Variants in RHOD observed in about 807,000 individuals in gnomAD.
RHOD encodes the protein rho-related GTP-binding protein RhoD.
RHOD carries 11 observed loss-of-function variants against 16.7 expected under a neutral mutation model. The ratio of observed to expected loss-of-function variants is 0.66; its 90% CI spans 0.41 to 1.09. RHOD has a LOEUF of 1.09. Among genes scored for constraint, RHOD ranks in the 50% least tolerant of loss-of-function variants. The pLI is 0.00. For synonymous variants in RHOD, 124 were observed against 126.3 expected, an observed-to-expected ratio of 0.98 and a Z score of 0.12; for missense variants, 271 against 291.7, an observed-to-expected ratio of 0.93 and a Z score of 0.52.
intron 1 of RHOD, among the ~76,000 whole-genome samples, chr11:67,064,188 C>T (rs1186605095): frequency 1.1e-4 from 17 of 148,634 alleles, no homozygotes; most frequent in Non-Finnish European, 2.2e-4. Flanking sequence ...GGGTGGATCA[C>T]GAGGTCAGGA....
chr11:67,070,650 C>T, intron 4 of RHOD, 91 bp downstream of exon 4: 1 of 1,517,088 alleles, frequency 6.6e-7, no homozygotes, highest in Non-Finnish European at 9.1e-7. Context: ...CCAGAACGCT[C>T]AGGGTGTAGG....
chr11:67,058,911 C>CAA (rs997126017), intron 1 of RHOD, among the ~76,000 whole-genome samples: 1 of 152,102 alleles, frequency 6.6e-6, no homozygotes, highest in African/African-American at 2.4e-5. Flanking sequence ...CATGGGAACC[C>CAA]AACAATGAGG....
rs1854819467 is a variant in RHOD, at chr11:67,056,950, G to T, written c.48G>T (p.Arg16=). The part of the protein sequence containing the change: ...AAGEEAPPGV[R]SVKVVLVGDG... ...GTGAGGAGGCGCCACCAGGCGTGCG[G>T]TCCGTCAAGGTGGTCCTGGTGGGCG... Residue 16 remains arginine, a synonymous_variant, in exon 1 of 5, where the codon CGG becomes CGT. Coordinates refer to ENST00000308831, the MANE Select transcript of RHOD (RefSeq NM_014578.4). 2 of 1,491,962 alleles carry T rather than the reference G, an allele frequency of 1.3e-6. No individual in the cohort carries two copies. Among genetic ancestry groups the T allele is most frequent in the East Asian group, 2.9e-5 (1 of 34,444 alleles). The allele number at this position is 1,491,962 out of a possible 1,614,324, so 92.4% of individuals were successfully genotyped here. A position where few individuals can be genotyped will look rare whatever the true frequency, so the allele number is the denominator to read the frequency against.
intron 1 of RHOD, among the ~76,000 whole-genome samples, chr11:67,059,838 C>A (rs1054097237): frequency 6.6e-6 from 1 of 152,204 alleles, no homozygotes; most frequent in Non-Finnish European, 1.5e-5. Flanking sequence ...CCTCGAAGCC[C>A]AAGGGGCCAG....
intron 3 of RHOD, among the ~76,000 whole-genome samples, chr11:67,067,059 C>T (rs1369520123): frequency 6.6e-6 from 1 of 152,212 alleles, no homozygotes; most frequent in Non-Finnish European, 1.5e-5. Flanking sequence ...CAGCGTCTGC[C>T]CTTCTGACTC....
chr11:67,069,755 C>G (rs1332404394), intron 3 of RHOD, among the ~76,000 whole-genome samples: 1 of 151,996 alleles, frequency 6.6e-6, no homozygotes, highest in Admixed American at 6.6e-5. Flanking sequence ...TGCAGTGGCG[C>G]GATCTCAGCT....
At chr11:67,069,788 G>C (rs1855003541) in intron 3 of RHOD, among the ~76,000 whole-genome samples, 1 of 152,000 alleles carries the variant, frequency 6.6e-6, no homozygotes, top group Admixed American at 6.6e-5. Flanking sequence ...CGCCTCCCAG[G>C]TTCATGCCAT....
chr11:67,056,864 C>T lies in RHOD; in HGVS notation c.-39C>T, dbSNP rs1854817456. 7.4e-7 allele frequency: 1 copy of T among 1,356,456 alleles called. No homozygotes were observed. The highest frequency in any genetic ancestry group is 1.8e-5 in the South Asian group (1 of 54,844). The allele number at this position is 1,356,456 out of a possible 1,614,324, so 84.0% of individuals were successfully genotyped here. On this transcript the variant is annotated 5_prime_UTR_variant, in exon 1 of 5. Transcript: ENST00000308831. ...CCCCGCGCAGTCTGGGTCTCTGCGC[C>T]GCAGCCGCCCGCCCGCCCGCTCAGC...
At chr11:67,066,171 G>C (rs1854957465) in intron 2 of RHOD, among the ~76,000 whole-genome samples, 188 bp downstream of exon 2, 1 of 152,166 alleles carries the variant, frequency 6.6e-6, no homozygotes, top group South Asian at 2.1e-4. Context: ...TGCACCCCCA[G>C]CACCCCAGGG....
rs1442443280 is a variant in RHOD, at chr11:67,070,465, T to C, written c.371T>C (p.Ile124Thr). The C allele has an allele frequency of 3.1e-6, 5 of 1,613,596 alleles. No individual in the cohort carries two copies. The highest frequency in any genetic ancestry group is 4.2e-6 in the Non-Finnish European group (5 of 1,179,918). The change falls in exon 4 of 5, where the codon ATC becomes ACC. Residue 124 changes from isoleucine (I) to threonine (T), a missense_variant. Coordinates refer to ENST00000308831, the MANE Select transcript of RHOD (RefSeq NM_014578.4). Reference protein sequence around the residue: ...EVNHFCKKVPIIVVGCKTDLR... With the variant: ...EVNHFCKKVPTIVVGCKTDLR... Reference sequence around the variant, plus strand: ...AATCATTTCTGCAAGAAGGTACCCATCATCGTCGTGGGCTGCAAGACTGAC... The same window carrying C: ...AATCATTTCTGCAAGAAGGTACCCACCATCGTCGTGGGCTGCAAGACTGAC...
rs762834984 is a variant in RHOD, at chr11:67,070,470, G to A, written c.376G>A (p.Val126Ile). Residue 126 changes from valine to isoleucine, a missense_variant, in exon 4 of 5, where the codon GTC (valine) becomes ATC (isoleucine). Val to Ile is a conservative substitution (Grantham distance 29). Coordinates refer to ENST00000308831, the MANE Select transcript of RHOD (RefSeq NM_014578.4). ...TTTCTGCAAGAAGGTACCCATCATC[G>A]TCGTGGGCTGCAAGACTGACCTGCG... Reference protein sequence around the residue: ...NHFCKKVPIIVVGCKTDLRKD... With the variant: ...NHFCKKVPIIIVGCKTDLRKD... 31 of 1,613,792 alleles carry A rather than the reference G, an allele frequency of 1.9e-5. No individual in the cohort carries two copies. Among genetic ancestry groups the A allele is most frequent in the Non-Finnish European group, 2.5e-5 (30 of 1,180,002 alleles).
intron 1 of RHOD, among the ~76,000 whole-genome samples, chr11:67,064,576 C>T (rs570766275): frequency 1.6e-4 from 24 of 152,258 alleles, no homozygotes; most frequent in Non-Finnish European, 3.4e-4. Flanking sequence ...CAAAAAGCTG[C>T]GAGTTCCCCA....
chr11:67,059,867 C>G (rs1854865687), intron 1 of RHOD, among the ~76,000 whole-genome samples: 1 of 152,266 alleles, frequency 6.6e-6, no homozygotes, highest in Non-Finnish European at 1.5e-5. Flanking sequence ...AGGCTGGAGT[C>G]CCATCTCCCA....
Position 67,070,462 on chromosome 11 carries a change from CCAT to C in RHOD, c.373_375del (p.Ile125del). The stretch of plus-strand genomic sequence containing the variant: ...GTGAATCATTTCTGCAAGAAGGTAC[CCAT>C]CATCGTCGTGGGCTGCAAGACTGAC... On this transcript the variant is annotated inframe_deletion, in exon 4 of 5. Transcript: ENST00000308831. The C allele has an allele frequency of 1.2e-6, 2 of 1,613,962 alleles. No homozygotes were observed. Among genetic ancestry groups the C allele is most frequent in the Non-Finnish European group, 1.7e-6 (2 of 1,179,984 alleles).
chr11:67,070,596 C>T, intron 4 of RHOD, 37 bp downstream of exon 4: 3 of 1,612,080 alleles, frequency 1.9e-6, no homozygotes, highest in Non-Finnish European at 2.5e-6. Flanking sequence ...TTGGGGAGGA[C>T]TGAGTGAGGG....
chr11:67,068,549 C>A (rs1394633653), intron 3 of RHOD, among the ~76,000 whole-genome samples: 1 of 152,086 alleles, frequency 6.6e-6, no homozygotes, highest in Non-Finnish European at 1.5e-5. Flanking sequence ...CGGTAGCTCA[C>A]GCCTTGTAAT....
chr11:67,060,166 CT>C (rs1190408742), intron 1 of RHOD, among the ~76,000 whole-genome samples: 13 of 152,214 alleles, frequency 8.5e-5, no homozygotes, highest in Admixed American at 7.9e-4. Flanking sequence ...CTAGAGCCCC[CT>C]GGGTCCTTCC....
chr11:67,067,907 C>T (rs190741037), intron 3 of RHOD, among the ~76,000 whole-genome samples: 41 of 152,316 alleles, frequency 2.7e-4, no homozygotes, highest in Admixed American at 1.6e-3. Flanking sequence ...TGATACCATT[C>T]TCCTGCCTCA....
chr11:67,061,772 A>ATGTG (rs1565350920), intron 1 of RHOD, among the ~76,000 whole-genome samples: 2 of 144,344 alleles, frequency 1.4e-5, no homozygotes, highest in Non-Finnish European at 3.0e-5. Flanking sequence ...ATATATATAT[A>ATGTG]TATGTGTGTG....
Sources: allele counts gnomAD v4.1 joint callset (sites outside exome capture counted in the v4.1 genomes callset), GRCh38; gene constraint gnomAD v4.1.1; transcripts MANE v1.5; gene names NCBI Gene and HGNC (gene_info 2026-07-23, HGNC 2026-07-21).